WNT3: variants seen among roughly 807,000 people sequenced by gnomAD.
WNT3 encodes Wnt family member 3.
In WNT3, 7 loss-of-function variants were observed where a neutral mutation model predicts 34.2. That is an observed-to-expected ratio of 0.20 (90% CI 0.12 to 0.38). The LOEUF (loss-of-function observed/expected upper bound fraction) is 0.38, where lower values mean the gene tolerates loss of function less well. WNT3 is among the 10% of genes least tolerant of loss of function. The pLI, the probability that WNT3 is intolerant of heterozygous loss-of-function variation, is 1.00. For synonymous variants in WNT3, 212 were observed against 211.5 expected (o/e 1.00, Z -0.02); for missense variants, 267 against 499.8 (o/e 0.53, Z 4.44).
At chr17:46,810,306 C>A (rs1178556344) in intron 1 of WNT3, among the ~76,000 whole-genome samples, 1 of 152,204 alleles carries the variant, frequency 6.6e-6, no homozygotes, top group Non-Finnish European at 1.5e-5. Context: ...CATGCCCAGC[C>A]TTCTTATTCC....
chr17:46,773,938 G>T, intron 1 of WNT3, 29 bp from the exon 2 acceptor site: 1 of 1,606,686 alleles, frequency 6.2e-7, no homozygotes, highest in Non-Finnish European at 8.5e-7. Context: ...TAGTAACACT[G>T]TGGGCACAAA....
chr17:46,791,477 G>A (rs570502748), intron 1 of WNT3, among the ~76,000 whole-genome samples: 3 of 152,258 alleles, frequency 2.0e-5, no homozygotes, highest in East Asian at 3.9e-4. Context: ...AAAGTGCTGG[G>A]ATTACAGACG....
rs546015780 is a variant in WNT3 at position 46,765,939 on chromosome 17, G to A, written c.*9-1318C>T. Among the ~76,000 whole-genome samples the A allele has an allele frequency of 3.3e-5, 5 of 152,366 alleles. No individual in the cohort carries two copies. The East Asian group carries it at 7.7e-4, about 23-fold the overall frequency. ...CAGAAGGGCACCATGTTGGGAGAGT[G>A]TCCTCCACTGGTCACAGAGTGAGGC... On this transcript the variant is annotated intron_variant, in intron 4 of 4. Coordinates refer to ENST00000225512, the MANE Select transcript of WNT3 (RefSeq NM_030753.5).
At chr17:46,791,355 C>G (rs1432233641) in intron 1 of WNT3, among the ~76,000 whole-genome samples, 1 of 152,082 alleles carries the variant, frequency 6.6e-6, no homozygotes, top group African/African-American at 2.4e-5. Flanking sequence ...AGACGAGGAC[C>G]ACCATACCTG....
intron 1 of WNT3, among the ~76,000 whole-genome samples, chr17:46,809,097 T>C (rs965280123): frequency 6.6e-6 from 1 of 152,002 alleles, no homozygotes; most frequent in African/African-American, 2.4e-5. Context: ...AGTATTCCAG[T>C]TGAAGTGGGT....
chr17:46,803,129 A>G (rs1193201558), intron 1 of WNT3, among the ~76,000 whole-genome samples: 1 of 152,250 alleles, frequency 6.6e-6, no homozygotes, highest in African/African-American at 2.4e-5. Flanking sequence ...CAGAATTGAC[A>G]GCTTGCTTGG....
chr17:46,792,670 C>T (rs1228981708), intron 1 of WNT3, among the ~76,000 whole-genome samples: 1 of 152,136 alleles, frequency 6.6e-6, no homozygotes, highest in Non-Finnish European at 1.5e-5. Flanking sequence ...GACAGAGTTT[C>T]ACTATGTTGA....
chr17:46,809,857 G>A (rs748688673), intron 1 of WNT3, among the ~76,000 whole-genome samples: 26 of 152,126 alleles, frequency 1.7e-4, no homozygotes, highest in Non-Finnish European at 4.4e-5. Flanking sequence ...ACAGGAAGGA[G>A]CTGAGGACTC....
intron 1 of WNT3, among the ~76,000 whole-genome samples, chr17:46,777,576 A>G (rs2059422611): frequency 6.6e-6 from 1 of 152,274 alleles, no homozygotes; most frequent in African/African-American, 2.4e-5. Context: ...TCTGCCCCAC[A>G]GGGATTTCCT....
chr17:46,810,044 T>C (rs1358533909), intron 1 of WNT3, among the ~76,000 whole-genome samples: 2 of 149,886 alleles, frequency 1.3e-5, no homozygotes, highest in Non-Finnish European at 3.0e-5. Context: ...GTTGGTCTTG[T>C]TGCCCAGGCT....
At chr17:46,765,524 G>A (rs2059304657) in intron 4 of WNT3, among the ~76,000 whole-genome samples, 1 of 152,246 alleles carries the variant, frequency 6.6e-6, no homozygotes, top group Non-Finnish European at 1.5e-5. Context: ...AGGGCCCGGG[G>A]CCTGCTCTGC....
chr17:46,767,129 T>G (rs2059320724), intron 4 of WNT3, among the ~76,000 whole-genome samples: 1 of 151,682 alleles, frequency 6.6e-6, no homozygotes, highest in Non-Finnish European at 1.5e-5. Context: ...ACCCCGGGGG[T>G]CCAGGACCAC....
intron 1 of WNT3, among the ~76,000 whole-genome samples, chr17:46,808,781 G>T (rs183369238): frequency 1.3e-5 from 2 of 152,004 alleles, no homozygotes; most frequent in African/African-American, 4.8e-5. Context: ...AATAGGAAAC[G>T]TTTACAAGTG....
intron 1 of WNT3, among the ~76,000 whole-genome samples, chr17:46,791,967 G>C (rs930965808): frequency 1.3e-5 from 2 of 152,242 alleles, no homozygotes; most frequent in Non-Finnish European, 2.9e-5. Flanking sequence ...TTGAGCCCAG[G>C]AGTTTGAGGC....
chr17:46,812,555 G>T (rs1325435409), intron 1 of WNT3, among the ~76,000 whole-genome samples: 1 of 152,148 alleles, frequency 6.6e-6, no homozygotes, highest in Admixed American at 6.5e-5. Flanking sequence ...GCAAGAGTCT[G>T]GCAGACTCTG....
At chr17:46,771,935 C>T (rs1458978264) in intron 2 of WNT3, among the ~76,000 whole-genome samples, 1 of 147,014 alleles carries the variant, frequency 6.8e-6, no homozygotes, top group Non-Finnish European at 1.5e-5. Context: ...GCCCGCCGCG[C>T]CGCCGCCGCG....
intron 2 of WNT3, among the ~76,000 whole-genome samples, chr17:46,771,188 G>C (rs2059365069): frequency 6.6e-6 from 1 of 152,190 alleles, no homozygotes; most frequent in Non-Finnish European, 1.5e-5. Flanking sequence ...TTCCAACGAC[G>C]GGAGGGCGAA....
rs2059337671 is a variant in WNT3, at chr17:46,768,864, C to T, written c.589-65G>A. ...CACGAGGGGGCACATCCAGGCCTTC[C>T]CTCTCTGCCACTGCCCACCCCCTTC... On this transcript the variant is annotated intron_variant, in intron 3 of 4. Coordinates refer to ENST00000225512, the MANE Select transcript of WNT3 (RefSeq NM_030753.5). The surrounding 1 kb of genome is among the most constrained non-coding windows in gnomAD (Gnocchi z 5.0). 4 of 1,578,464 alleles carry T rather than the reference C, an allele frequency of 2.5e-6. No homozygotes were observed. The highest frequency in any genetic ancestry group is 1.7e-5 in the Admixed American group (1 of 58,908).
chr17:46,768,080 A>G lies in WNT3; in HGVS notation c.*8+232T>C, dbSNP rs57721397. ...TGGGATTACAGGCGTGAGCCACCGCACCCGGCCAACACTGGGTTTTTATCT... is the reference window on the plus strand; with the variant it reads ...TGGGATTACAGGCGTGAGCCACCGCGCCCGGCCAACACTGGGTTTTTATCT... On this transcript the variant is annotated intron_variant, in intron 4 of 4. Coordinates refer to ENST00000225512, the MANE Select transcript of WNT3 (RefSeq NM_030753.5). This position sits in a 1 kb window ranked among gnomAD's most constrained non-coding sequence, Gnocchi z 5.0. 0.93 allele frequency among the ~76,000 whole-genome samples: 142,282 copies of G among 152,280 alleles called. 67,189 individuals are homozygous for G. The highest frequency in any genetic ancestry group is 1 in the East Asian group (5,174 of 5,174).
Sources: gnomAD v4.1 joint callset for allele counts (sites outside exome capture counted in the v4.1 genomes callset) on GRCh38, gnomAD v4.1.1 for gene constraint, Gnocchi (gnomAD v3.1) non-coding constraint, MANE v1.5 for transcripts, NCBI Gene and HGNC (gene_info 2026-07-23, HGNC 2026-07-21) for gene names.